Variants in STMN2 observed in about 807,000 individuals in gnomAD.
STMN2 encodes stathmin 2.
A neutral mutation model predicts 24.1 loss-of-function variants in STMN2; 2 were observed. The observed-to-expected ratio is 0.08, with a 90% CI of 0.03 to 0.26. The LOEUF is 0.26. STMN2 is among the 10% of genes least tolerant of loss of function. The pLI, the probability that STMN2 is intolerant of heterozygous loss-of-function variation, is 1.00. For synonymous variants in STMN2, 83 were observed against 77.5 expected (o/e 1.07, Z -0.37); for missense variants, 114 against 213.6 (o/e 0.53, Z 2.91).
intron 1 of STMN2, among the ~76,000 whole-genome samples, chr8:79,614,482 G>A (rs777676878): frequency 6.6e-6 from 1 of 152,192 alleles, no homozygotes; most frequent in Non-Finnish European, 1.5e-5. Context: ...TTAATCTCAT[G>A]TATTTAGTTT....
rs1295276147 is a variant in STMN2 at position 79,641,363 on chromosome 8, A to T, written c.116-15A>T. 1 of 1,610,210 alleles carries T rather than the reference A, an allele frequency of 6.2e-7. No homozygotes were observed. The highest frequency in any genetic ancestry group is 1.1e-5 in the South Asian group (1 of 90,630). On this transcript the variant is annotated splice_polypyrimidine_tract_variant and intron_variant, in intron 2 of 4. Coordinates refer to ENST00000220876, the MANE Select transcript of STMN2 (RefSeq NM_007029.4). ...AGCTTTGTATGCTTAACATTCTCAA[A>T]TGTTCACTTTTCAGATATGGAAGTG...
At chr8:79,638,308 T>A (rs186388038) in intron 2 of STMN2, among the ~76,000 whole-genome samples, 1 of 152,108 alleles carries the variant, frequency 6.6e-6, no homozygotes, top group Admixed American at 6.5e-5. Context: ...GGTTAGGGAA[T>A]GAAAAAAGGG....
intron 1 of STMN2, among the ~76,000 whole-genome samples, chr8:79,618,704 C>A (rs987027340): frequency 2.0e-5 from 3 of 152,104 alleles, no homozygotes; most frequent in African/African-American, 7.2e-5. Context: ...TTTATAATAT[C>A]CATTTTTATT....
chr8:79,655,611 T>C (rs551757653), intron 4 of STMN2, among the ~76,000 whole-genome samples: 1 of 152,262 alleles, frequency 6.6e-6, no homozygotes, highest in Non-Finnish European at 1.5e-5. Context: ...GGATGTTTCA[T>C]CCAGTTCTGG....
intron 4 of STMN2, among the ~76,000 whole-genome samples, chr8:79,657,674 T>C (rs1231658987): frequency 6.6e-6 from 1 of 152,216 alleles, no homozygotes; most frequent in Non-Finnish European, 1.5e-5. Context: ...TCAAATCTAA[T>C]AGGATCTTTG....
intron 2 of STMN2, 46 bp from the exon 3 acceptor site, chr8:79,641,332 G>A: frequency 1.3e-6 from 2 of 1,579,552 alleles, no homozygotes; most frequent in South Asian, 1.2e-5. Flanking sequence ...ATAAACCCAT[G>A]CTGCAAGCTT....
intron 4 of STMN2, among the ~76,000 whole-genome samples, chr8:79,659,748 T>C (rs1806462217): frequency 6.6e-6 from 1 of 152,152 alleles, no homozygotes; most frequent in African/African-American, 2.4e-5. Flanking sequence ...CAAAAATTGA[T>C]CAGTTAATGG....
intron 1 of STMN2, among the ~76,000 whole-genome samples, chr8:79,634,574 T>C (rs1256353735): frequency 2.0e-5 from 3 of 152,248 alleles, no homozygotes; most frequent in African/African-American, 7.2e-5. Flanking sequence ...ATTGTAGAGC[T>C]AGAAGAAAGC....
chr8:79,652,197 T>A (rs1197685426), intron 3 of STMN2, among the ~76,000 whole-genome samples: 2 of 152,214 alleles, frequency 1.3e-5, no homozygotes, highest in Non-Finnish European at 2.9e-5. Context: ...TCCTGGAGCA[T>A]CCTCCATGGA....
At chr8:79,644,042 C>G (rs1810166530) in intron 3 of STMN2, among the ~76,000 whole-genome samples, 3 of 151,888 alleles carry the variant, frequency 2.0e-5, no homozygotes, top group Admixed American at 2.0e-4. Flanking sequence ...TTTAAAAAAT[C>G]ACTAATTGAT....
At chr8:79,637,290 T>C (rs1027987618) in intron 2 of STMN2, among the ~76,000 whole-genome samples, 63 of 152,362 alleles carry the variant, frequency 4.1e-4, no homozygotes, top group African/African-American at 1.5e-3. Context: ...ATAATTGTTT[T>C]TGCTTTATTG....
chr8:79,658,088 G>A (rs892226136), intron 4 of STMN2, among the ~76,000 whole-genome samples: 2 of 152,118 alleles, frequency 1.3e-5, no homozygotes, highest in Non-Finnish European at 2.9e-5. Flanking sequence ...CCAGGAGTTC[G>A]AGACCAGCCT....
At chr8:79,630,969 C>T (rs1034645394) in intron 1 of STMN2, among the ~76,000 whole-genome samples, 5 of 152,086 alleles carry the variant, frequency 3.3e-5, no homozygotes, top group Non-Finnish European at 7.4e-5. Flanking sequence ...CAGAATAAAG[C>T]GCTTTCATTA....
In STMN2 at chr8:79,641,568, T is replaced by C. The variant is rs1810094748; in HGVS notation, c.288+18T>C. 2.5e-6 allele frequency: 4 copies of C among 1,608,142 alleles called. No individual in the cohort carries two copies. In the Middle Eastern group the frequency reaches 5.1e-4, roughly 204 times the overall value. ...GAAGAAAGGTAACTTTTTCCATAGGTTTTCCTTCTCTCTCTCCCTCCCCTG... is the reference window on the plus strand; with the variant it reads ...GAAGAAAGGTAACTTTTTCCATAGGCTTTCCTTCTCTCTCTCCCTCCCCTG... On this transcript the variant is annotated intron_variant, in intron 3 of 4. Transcript: ENST00000220876.
intron 1 of STMN2, among the ~76,000 whole-genome samples, chr8:79,612,299 C>A (rs1809255793): frequency 6.6e-6 from 1 of 152,196 alleles, no homozygotes; most frequent in African/African-American, 2.4e-5. Flanking sequence ...TAACATTTTT[C>A]TTTTCGGAAG....
At chr8:79,617,378 T>C (rs985033340) in intron 1 of STMN2, among the ~76,000 whole-genome samples, 10 of 152,286 alleles carry the variant, frequency 6.6e-5, no homozygotes, top group Admixed American at 4.6e-4. Flanking sequence ...ATATCTCAAA[T>C]TAAAAAATAT....
chr8:79,661,155 G>A (rs1454490895), intron 4 of STMN2, among the ~76,000 whole-genome samples: 1 of 151,910 alleles, frequency 6.6e-6, no homozygotes, highest in African/African-American at 2.4e-5. Flanking sequence ...TTTTCCTTTG[G>A]GTAGATACCC....
At chr8:79,654,127 C>T (rs1001004247) in intron 3 of STMN2, among the ~76,000 whole-genome samples, 2 of 152,118 alleles carry the variant, frequency 1.3e-5, no homozygotes, top group Non-Finnish European at 2.9e-5. Context: ...ATCAAGTGCT[C>T]CAGTGATTAC....
In STMN2 at chr8:79,629,938, T is replaced by C. The variant is rs60931169; in HGVS notation, c.20-6864T>C. On this transcript the variant is annotated intron_variant, in intron 1 of 4. Transcript: ENST00000220876. ...GCTCTTCAAATCCATTGAAACTTCA[T>C]ACCAGCCTACGGAAGTAGAGGTTTT... Among the ~76,000 whole-genome samples, 30 of 152,322 alleles carry C rather than the reference T, an allele frequency of 2.0e-4. 2 individuals are homozygous for C. The East Asian group carries it at 3.9e-3, about 20-fold the overall frequency.
Sources: gnomAD v4.1 joint callset for allele counts (sites outside exome capture counted in the v4.1 genomes callset) on GRCh38, gnomAD v4.1.1 for gene constraint, MANE v1.5 for transcripts, NCBI Gene and HGNC (gene_info 2026-07-23, HGNC 2026-07-21) for gene names.